Variants in UGT1A3 observed in about 807,000 individuals in gnomAD.
UGT1A3 encodes UDP glucuronosyltransferase family 1 member A3, also known as UDP-glucuronosyltransferase 1A3.
UGT1A3 carries 31 observed loss-of-function variants against 41.0 expected under a neutral mutation model. The ratio of observed to expected loss-of-function variants is 0.76; its 90% CI spans 0.57 to 1.02. The LOEUF (loss-of-function observed/expected upper bound fraction) is 1.02. Ranked by LOEUF, UGT1A3 falls within the 50% of genes least tolerant of loss-of-function variation. The pLI, the probability that UGT1A3 is intolerant of heterozygous loss-of-function variation, is 0.00. For missense variants in UGT1A3, 737 were observed against 671.0 expected (o/e 1.10, Z -1.09); for synonymous variants, 262 against 257.6 (o/e 1.02, Z -0.17).
chr2:233,763,791 A>T (rs995019532), intron 1 of UGT1A3, among the ~76,000 whole-genome samples: 41 of 152,200 alleles, frequency 2.7e-4, no homozygotes, highest in African/African-American at 9.9e-4. Flanking sequence ...TTGGGAGAAA[A>T]GGAATGAAAC....
rs374192063 is a variant in UGT1A3, at chr2:233,743,919, T to C, written c.867+13926T>C. On this transcript the variant is annotated intron_variant, in intron 1 of 4. Coordinates refer to ENST00000482026, the MANE Select transcript of UGT1A3 (RefSeq NM_019093.4). ...AGCACCTCGTAGTAGTCCACCATGC[T>C]GGATGGCCAGAACGGCCCACCAGGC... The C allele has an allele frequency of 3.5e-4, 473 of 1,363,952 alleles. 9 individuals are homozygous for C. The highest frequency in any genetic ancestry group is 2.5e-3 in the African/African-American group (172 of 67,460). 84.5% of individuals were successfully genotyped at this position (1,363,952 alleles called of 1,614,324 possible).
chr2:233,760,809 A>G (rs1407366507), intron 1 of UGT1A3: 1 of 1,613,186 alleles, frequency 6.2e-7, no homozygotes, highest in South Asian at 1.1e-5. Flanking sequence ...TCTTGCATGC[A>G]CTGCCATGCA....
intron 1 of UGT1A3, among the ~76,000 whole-genome samples, chr2:233,732,961 T>G (rs2078342665): frequency 6.6e-6 from 1 of 152,188 alleles, no homozygotes; most frequent in Non-Finnish European, 1.5e-5. Context: ...GTTCTTCCAT[T>G]TGTTTGTGTC....
chr2:233,766,270 C>T (rs1699087800), intron 1 of UGT1A3, among the ~76,000 whole-genome samples: 1 of 67,854 alleles, frequency 1.5e-5, no homozygotes. Flanking sequence ...GGCCCGGGCT[C>T]GGTGGCCCGG....
rs767667233 is a variant in UGT1A3, at chr2:233,769,803, C to T, written c.1307+1364C>T. ...CCAGAAGTTGGAGGCTGCTATGAGC[C>T]GTGATCATGCCACTGCACTCCAGCA... On this transcript the variant is annotated intron_variant, in intron 4 of 4. Coordinates refer to ENST00000482026, the MANE Select transcript of UGT1A3 (RefSeq NM_019093.4). This position sits in a 1 kb window ranked among gnomAD's most constrained non-coding sequence, Gnocchi z 4.4. 8.1e-6 allele frequency: 9 copies of T among 1,113,138 alleles called. No homozygotes were observed. Among genetic ancestry groups the T allele is most frequent in the Admixed American group, 3.0e-5 (1 of 33,080 alleles). 69.0% of individuals were successfully genotyped at this position (1,113,138 alleles called of 1,614,324 possible).
rs190315696 is a variant in UGT1A3 at position 233,744,277 on chromosome 2, A to G, written c.867+14284A>G. On this transcript the variant is annotated intron_variant, in intron 1 of 4. Transcript: ENST00000482026. Reference sequence around the variant, plus strand: ...AACTGTTTTTCTTAAAGTAGGCTTTATATCAGTCTTTTTCCTCGGCCACAG... The same window carrying G: ...AACTGTTTTTCTTAAAGTAGGCTTTGTATCAGTCTTTTTCCTCGGCCACAG... 2.4e-3 allele frequency among the ~76,000 whole-genome samples: 368 copies of G among 151,920 alleles called. 17 individuals carry two copies. Among genetic ancestry groups the G allele is most frequent in the African/African-American group, 8.5e-3 (350 of 41,184 alleles).
intron 1 of UGT1A3, among the ~76,000 whole-genome samples, chr2:233,766,331 T>C (rs1699119647): frequency 6.6e-6 from 1 of 152,150 alleles, no homozygotes; most frequent in African/African-American, 2.4e-5. Context: ...CTCCGCGTTG[T>C]TCTGCTGGTC....
rs760444509 is a variant in UGT1A3 at position 233,769,505 on chromosome 2, C to G, written c.1307+1066C>G. The G allele has an allele frequency of 8.7e-6, 14 of 1,612,652 alleles. No individual in the cohort carries two copies. In the Admixed American group the frequency reaches 2.3e-4, roughly 27 times the overall value. ...CGTGTGTTTATGAGAGTGTCCATTG[C>G]TTTCTCCCATGGTTACCTCCTTTAG... On this transcript the variant is annotated intron_variant, in intron 4 of 4. Transcript: ENST00000482026. This position sits in a 1 kb window ranked among gnomAD's most constrained non-coding sequence, Gnocchi z 4.4.
chr2:233,769,088 T>C lies in UGT1A3; in HGVS notation c.1307+649T>C, dbSNP rs1699789125. 2.0e-5 allele frequency among the ~76,000 whole-genome samples: 3 copies of C among 152,168 alleles called. No homozygotes were observed. Among genetic ancestry groups the C allele is most frequent in the African/African-American group, 7.2e-5 (3 of 41,420 alleles). The stretch of plus-strand genomic sequence containing the variant: ...AAGAAATACTCCATTATAAGAAGCA[T>C]AGTATCTTTAAGAGAAAAACAACTC... On this transcript the variant is annotated intron_variant, in intron 4 of 4. Coordinates refer to ENST00000482026, the MANE Select transcript of UGT1A3 (RefSeq NM_019093.4). This position sits in a 1 kb window ranked among gnomAD's most constrained non-coding sequence, Gnocchi z 4.4.
chr2:233,744,844 A>C (rs1390116888), intron 1 of UGT1A3, among the ~76,000 whole-genome samples: 1 of 151,966 alleles, frequency 6.6e-6, no homozygotes, highest in African/African-American at 2.4e-5. Context: ...AGTCTAGCAG[A>C]GTAGTCCTTG....
chr2:233,772,427 C>T lies in UGT1A3; in HGVS notation c.1473C>T (p.Asp491=), dbSNP rs114123636. ...CCTGGTACCAGTACCATTCCTTGGA[C>T]GTGATTGGTTTCCTCTTGGCCGTCG... ...DLTWYQYHSL[D]VIGFLLAVVL... is the part of the protein sequence containing the mutation. The change falls in exon 5 of 5, where the codon GAC becomes GAT. Residue 491 remains aspartate, a synonymous_variant. Coordinates refer to ENST00000482026, the MANE Select transcript of UGT1A3 (RefSeq NM_019093.4). The T allele has an allele frequency of 1.1e-4, 177 of 1,614,220 alleles. No homozygotes were observed. The highest frequency in any genetic ancestry group is 8.7e-4 in the East Asian group (39 of 44,876).
chr2:233,756,691 G>A (rs1044916114), intron 1 of UGT1A3, among the ~76,000 whole-genome samples: 1 of 152,108 alleles, frequency 6.6e-6, no homozygotes, highest in Non-Finnish European at 1.5e-5. Flanking sequence ...ATATAATGAC[G>A]ATGAATTTTG....
intron 1 of UGT1A3, chr2:233,756,058 T>C (rs1696106057): frequency 6.6e-6 from 1 of 152,218 alleles, no homozygotes; most frequent in Admixed American, 6.5e-5. Context: ...CACTGTACAC[T>C]TGTGGGAGAA....
chr2:233,764,964 G>A (rs1018241082), intron 1 of UGT1A3, among the ~76,000 whole-genome samples: 15 of 152,140 alleles, frequency 9.9e-5, no homozygotes, highest in Non-Finnish European at 2.9e-5. Context: ...CTCACCTTGG[G>A]AGAAGGATGG....
chr2:233,749,702 A>C lies in UGT1A3; in HGVS notation c.868-17332A>C, dbSNP rs7556792. On this transcript the variant is annotated intron_variant, in intron 1 of 4. Coordinates refer to ENST00000482026, the MANE Select transcript of UGT1A3 (RefSeq NM_019093.4). ...CAAGGACAGGATCTGGTGGGAGGTG[A>C]TTGGATCATGGGGGCAGTTTCGCAC... 9.0e-3 allele frequency among the ~76,000 whole-genome samples: 1,371 copies of C among 151,808 alleles called. 51 individuals carry two copies. The highest frequency in any genetic ancestry group is 0.032 in the African/African-American group (1,324 of 41,154).
At chr2:233,749,016 A>G (rs182702501) in intron 1 of UGT1A3, among the ~76,000 whole-genome samples, 47 of 151,794 alleles carry the variant, frequency 3.1e-4, no homozygotes, top group Non-Finnish European at 5.9e-4. Flanking sequence ...TCTTTAATCC[A>G]GAATATTTGG....
intron 1 of UGT1A3, among the ~76,000 whole-genome samples, chr2:233,745,546 A>G (rs1693142103): frequency 6.6e-6 from 1 of 151,692 alleles, no homozygotes. Flanking sequence ...CACCAGAACA[A>G]ACTTCTAAGT....
At chr2:233,744,065 G>A in intron 1 of UGT1A3, 1 of 544,540 alleles carries the variant, frequency 1.8e-6, no homozygotes. Flanking sequence ...CGAGGCCTAT[G>A]AGCGCCTCGC....
At chr2:233,767,333 T>C (rs921656362) in intron 2 of UGT1A3, among the ~76,000 whole-genome samples, 168 bp downstream of exon 2, 5 of 152,208 alleles carry the variant, frequency 3.3e-5, no homozygotes, top group African/African-American at 1.2e-4. Flanking sequence ...GTTGTTGTCA[T>C]TGTTTTCAAT....
Sources: allele counts gnomAD v4.1 joint callset (sites outside exome capture counted in the v4.1 genomes callset), GRCh38; gene constraint gnomAD v4.1.1; non-coding constraint Gnocchi (gnomAD v3.1); transcripts MANE v1.5; gene names NCBI Gene and HGNC (gene_info 2026-07-23, HGNC 2026-07-21).